The following DNAJC13 variants were observed in gnomAD, a reference collection of about 807,000 sequenced individuals.
DNAJC13 encodes DnaJ heat shock protein family (Hsp40) member C13.
Under a neutral mutation model 290.5 loss-of-function variants are expected in DNAJC13, and 75 were observed. The ratio of observed to expected loss-of-function variants is 0.26; its 90% CI spans 0.21 to 0.31. The LOEUF (loss-of-function observed/expected upper bound fraction) is 0.31. DNAJC13 is among the 10% of genes least tolerant of loss of function. The probability of loss-of-function intolerance (pLI) is 1.00; values close to 1 mark genes in which losing one functional copy is unlikely to be tolerated. For missense variants in DNAJC13, 2,260 were observed against 2,674.5 expected, an observed-to-expected ratio of 0.85 and a Z score of 3.42; for synonymous variants, 862 against 892.0, an observed-to-expected ratio of 0.97 and a Z score of 0.60.
chr3:132,457,148 G>A, intron 12 of DNAJC13, 121 bp from the exon 13 acceptor site: 1 of 758,470 alleles, frequency 1.3e-6, no homozygotes, highest in Non-Finnish European at 2.1e-6. Context: ...TTCAGAGGTG[G>A]AATTTAAAAT....
chr3:132,532,554 A>G (rs1936447316), intron 55 of DNAJC13, among the ~76,000 whole-genome samples: 1 of 151,994 alleles, frequency 6.6e-6, no homozygotes, highest in Non-Finnish European at 1.5e-5. Context: ...TCTGTCCCAT[A>G]TCTCTCTTCA....
At chr3:132,490,555 G>A (rs1285995511) in intron 31 of DNAJC13, among the ~76,000 whole-genome samples, 1 of 152,186 alleles carries the variant, frequency 6.6e-6, no homozygotes, top group Non-Finnish European at 1.5e-5. Flanking sequence ...GATAATTGAT[G>A]TAAATCTTCT....
chr3:132,469,169 T>A (rs1200464640), intron 20 of DNAJC13, among the ~76,000 whole-genome samples: 3 of 152,262 alleles, frequency 2.0e-5, no homozygotes, highest in Non-Finnish European at 4.4e-5. Flanking sequence ...GCGTGGGTAC[T>A]ATTTTTAACA....
At chr3:132,463,221 T>C (rs1003067361) in intron 16 of DNAJC13, among the ~76,000 whole-genome samples, 1 of 152,254 alleles carries the variant, frequency 6.6e-6, no homozygotes, top group Admixed American at 6.5e-5. Context: ...TAGTATGCCC[T>C]TAAGTAGCTG....
At chr3:132,472,001 C>G (rs890307421) in intron 20 of DNAJC13, among the ~76,000 whole-genome samples, 2 of 149,280 alleles carry the variant, frequency 1.3e-5, no homozygotes, top group African/African-American at 2.5e-5. Flanking sequence ...CCCGGCACCT[C>G]GGGAGGCTGA....
chr3:132,527,014 T>A (rs564949569), intron 53 of DNAJC13, among the ~76,000 whole-genome samples: 2 of 152,318 alleles, frequency 1.3e-5, no homozygotes, highest in Admixed American at 6.5e-5. Flanking sequence ...AGAATAAGGC[T>A]TTTAAGATCT....
At position 132,477,228 on chromosome 3, in the gene DNAJC13, A is replaced by G. The variant is rs994170685; in HGVS notation, c.2446-561A>G. Among the ~76,000 whole-genome samples, 4 of 152,338 alleles carry G rather than the reference A, an allele frequency of 2.6e-5. No individual in the cohort carries two copies. In the South Asian group the frequency reaches 6.2e-4, roughly 24 times the overall value. ...TCTGATCTGGGAATTCCTTTTTATA[A>G]TTGCCTGAAATCTTTCCTTGAGACA... On this transcript the variant is annotated intron_variant, in intron 22 of 55. Coordinates refer to ENST00000260818, the MANE Select transcript of DNAJC13 (RefSeq NM_015268.4).
chr3:132,523,094 C>CTTAA, intron 49 of DNAJC13, 63 bp from the exon 50 acceptor site: 2 of 1,608,528 alleles, frequency 1.2e-6, no homozygotes, highest in Non-Finnish European at 1.7e-6. Context: ...AAAACTTATG[C>CTTAA]TAAAGGTTAA....
In DNAJC13 at chr3:132,531,064, A is replaced by G. The variant is rs780606987; in HGVS notation, c.6592A>G (p.Ile2198Val). 34 of 1,613,984 alleles carry G rather than the reference A, an allele frequency of 2.1e-5. No homozygotes were observed. The Middle Eastern group carries it at 9.9e-4, about 47-fold the overall frequency. Residue 2198 changes from isoleucine to valine, a missense_variant, in exon 55 of 56, where the codon ATT (isoleucine) becomes GTT (valine). This residue lies in a region of DNAJC13 where 1,494 missense variants were observed against 1,693.7 expected (regional missense o/e 0.88). Transcript: ENST00000260818. ...AFKDQKHDLFISESQTAGYLT... is the reference protein window; with the variant it reads ...AFKDQKHDLFVSESQTAGYLT... ...CAAAGATCAGAAACATGATTTGTTCATTTCTGAGTCACAAACAGCAGGATA... is the reference window on the plus strand; with the variant it reads ...CAAAGATCAGAAACATGATTTGTTCGTTTCTGAGTCACAAACAGCAGGATA...
chr3:132,492,586 C>T lies in DNAJC13; in HGVS notation c.3796C>T (p.Arg1266Trp), dbSNP rs948054040. 3.7e-6 allele frequency: 6 copies of T among 1,613,586 alleles called. No individual in the cohort carries two copies. Among genetic ancestry groups the T allele is most frequent in the South Asian group, 2.2e-5 (2 of 91,046 alleles). Residue 1266 changes from arginine to tryptophan, a missense_variant, in exon 33 of 56, where the codon CGG becomes TGG. Around this residue, in one of 3 missense-constraint regions of DNAJC13, gnomAD observed 1,494 missense variants for 1,693.7 expected, o/e 0.88. Transcript: ENST00000260818. ...YYLKQLCDTL[R>W]FPDWPIKDPV... ...CCTCAAACAACTGTGTGATACACTC[C>T]GGTTTCCAGATTGGCCAATTAAAGA...
chr3:132,480,354 G>T lies in DNAJC13; in HGVS notation c.2773-15G>T. Reference sequence around the variant, plus strand: ...AAAATGTTTAGATTACGAAAAAAATGTTTTCCTCTTCCAGAAAAATGTTAA... The same window carrying T: ...AAAATGTTTAGATTACGAAAAAAATTTTTTCCTCTTCCAGAAAAATGTTAA... On this transcript the variant is annotated splice_polypyrimidine_tract_variant and intron_variant, in intron 25 of 55. Transcript: ENST00000260818. 1 of 1,587,204 alleles carries T rather than the reference G, an allele frequency of 6.3e-7. No homozygotes were observed. The highest frequency in any genetic ancestry group is 1.1e-5 in the South Asian group (1 of 90,266).
intron 2 of DNAJC13, among the ~76,000 whole-genome samples, chr3:132,445,378 G>A (rs1933213203): frequency 6.6e-6 from 1 of 151,892 alleles, no homozygotes; most frequent in Non-Finnish European, 1.5e-5. Context: ...TTTAAAATGC[G>A]ACTTGATTGT....
At chr3:132,506,178 G>A (rs943649859) in intron 42 of DNAJC13, among the ~76,000 whole-genome samples, 5 of 146,338 alleles carry the variant, frequency 3.4e-5, no homozygotes, top group Admixed American at 7.0e-5. Flanking sequence ...TCAGCTTCTC[G>A]AGTAGCTGGG....
intron 52 of DNAJC13, 25 bp from the exon 53 acceptor site, chr3:132,526,116 G>A: frequency 6.2e-7 from 1 of 1,612,924 alleles, no homozygotes; most frequent in Non-Finnish European, 8.5e-7. Context: ...CAGTCTACAA[G>A]TAACCTTCTC....
chr3:132,426,894 A>G (rs1261067755), intron 1 of DNAJC13, among the ~76,000 whole-genome samples: 1 of 152,074 alleles, frequency 6.6e-6, no homozygotes, highest in Admixed American at 6.6e-5. Context: ...AGTTCTAACA[A>G]CTGAAATTTC....
chr3:132,504,898 G>C (rs1935536362), intron 41 of DNAJC13, among the ~76,000 whole-genome samples: 1 of 152,010 alleles, frequency 6.6e-6, no homozygotes, highest in Non-Finnish European at 1.5e-5. Flanking sequence ...TAAAGACTTA[G>C]GTTTTGTTTT....
chr3:132,432,356 C>T (rs1426503645), intron 1 of DNAJC13, among the ~76,000 whole-genome samples: 1 of 152,078 alleles, frequency 6.6e-6, no homozygotes, highest in Non-Finnish European at 1.5e-5. Flanking sequence ...GCGTCTGCCA[C>T]CACGCCCGGC....
intron 20 of DNAJC13, 81 bp downstream of exon 20, chr3:132,467,394 G>A (rs1934032464): frequency 7.1e-7 from 1 of 1,417,236 alleles, no homozygotes; most frequent in East Asian, 2.4e-5. Flanking sequence ...CACAGAGATG[G>A]TATCGATACA....
At chr3:132,514,222 G>T (rs1271836297) in intron 45 of DNAJC13, among the ~76,000 whole-genome samples, 1 of 152,004 alleles carries the variant, frequency 6.6e-6, no homozygotes, top group Non-Finnish European at 1.5e-5. Flanking sequence ...TATTGTGCAG[G>T]GTACTGAAGA....
Sources: allele counts gnomAD v4.1 joint callset (sites outside exome capture counted in the v4.1 genomes callset), GRCh38; gene constraint gnomAD v4.1.1; regional missense constraint gnomAD v4.1.1; transcripts MANE v1.5; gene names NCBI Gene and HGNC (gene_info 2026-07-23, HGNC 2026-07-21).